Variants in ADGRL3 observed in about 807,000 individuals in gnomAD.
The protein encoded by ADGRL3 is calcium-independent alpha-latrotoxin receptor 3.
In ADGRL3, 62 loss-of-function variants were observed where a neutral mutation model predicts 153.5. That is an observed-to-expected ratio of 0.40 (90% CI 0.33 to 0.50). The LOEUF (loss-of-function observed/expected upper bound fraction) is 0.50, where lower values mean the gene tolerates loss of function less well. Among genes scored for constraint, ADGRL3 ranks in the 20% least tolerant of loss-of-function variants. The pLI, the probability that ADGRL3 is intolerant of heterozygous loss-of-function variation, is 0.47. For synonymous variants in ADGRL3, 710 were observed against 672.5 expected (o/e 1.06, Z -0.86); for missense variants, 1,641 against 1,859.4 (o/e 0.88, Z 2.16).
At chr4:61,461,637 G>T (rs1289996728) in intron 2 of ADGRL3, among the ~76,000 whole-genome samples, 1 of 152,128 alleles carries the variant, frequency 6.6e-6, no homozygotes, top group Non-Finnish European at 1.5e-5. Flanking sequence ...TAAATTTTAT[G>T]TCACAGAAAA....
chr4:61,550,680 T>C (rs2098736266), intron 4 of ADGRL3, among the ~76,000 whole-genome samples: 1 of 151,828 alleles, frequency 6.6e-6, no homozygotes, highest in Non-Finnish European at 1.5e-5. Flanking sequence ...CAGAATACTT[T>C]GGTGTGGGGA....
chr4:61,904,492 T>C (rs1206818432), intron 11 of ADGRL3, among the ~76,000 whole-genome samples: 3 of 152,272 alleles, frequency 2.0e-5, no homozygotes, highest in East Asian at 3.9e-4. Flanking sequence ...TTTTGACTTA[T>C]TGGTCATCTA....
chr4:61,516,294 G>A (rs1473754783), intron 3 of ADGRL3, among the ~76,000 whole-genome samples: 1 of 151,912 alleles, frequency 6.6e-6, no homozygotes, highest in Non-Finnish European at 1.5e-5. Context: ...GATTTTCTTA[G>A]TTTCTCTCCT....
At chr4:61,846,579 A>G (rs557663045) in intron 9 of ADGRL3, among the ~76,000 whole-genome samples, 1 of 152,222 alleles carries the variant, frequency 6.6e-6, no homozygotes, top group African/African-American at 2.4e-5. Flanking sequence ...ATTTTTCTAT[A>G]ATATCATTGA....
chr4:61,248,914 G>A (rs1010460930), intron 1 of ADGRL3, among the ~76,000 whole-genome samples: 10 of 152,104 alleles, frequency 6.6e-5, no homozygotes, highest in African/African-American at 1.4e-4. Context: ...ATAATAGGTC[G>A]AATTTCTTGG....
chr4:61,533,187 T>C (rs1048692519), intron 4 of ADGRL3, among the ~76,000 whole-genome samples: 4 of 152,160 alleles, frequency 2.6e-5, no homozygotes, highest in Admixed American at 2.0e-4. Flanking sequence ...TGGGAGTCTT[T>C]TCAGTAAAAT....
intron 6 of ADGRL3, among the ~76,000 whole-genome samples, chr4:61,682,565 T>TTA: frequency 7.2e-6 from 1 of 139,232 alleles, no homozygotes; most frequent in Non-Finnish European, 1.5e-5. Flanking sequence ...TTAAAAAAAT[T>TTA]TTTTTTTTTT....
chr4:61,788,183 A>T (rs2097299923), intron 8 of ADGRL3, among the ~76,000 whole-genome samples: 1 of 152,218 alleles, frequency 6.6e-6, no homozygotes, highest in Admixed American at 6.5e-5. Context: ...CTGGCTAACC[A>T]GAGGTCCTGA....
rs549264468 is a variant in ADGRL3, at chr4:61,302,159, A to G, written c.-239-80965A>G. 8.7e-4 allele frequency among the ~76,000 whole-genome samples: 132 copies of G among 152,242 alleles called. 1 individual carries two copies. Among genetic ancestry groups the G allele is most frequent in the African/African-American group, 3.0e-3 (126 of 41,548 alleles). On this transcript the variant is annotated intron_variant, in intron 1 of 26. Transcript: ENST00000683033. ...AAAATGGCAGAAGATTGTGCTTGAG[A>G]CCTGATGAGATGAATTTTTGTTTCC...
intron 1 of ADGRL3, among the ~76,000 whole-genome samples, chr4:61,296,423 T>A (rs890616596): frequency 6.6e-6 from 1 of 151,758 alleles, no homozygotes; most frequent in Non-Finnish European, 1.5e-5. Context: ...AACCTAGGCA[T>A]AAGAGAGCCT....
chr4:61,619,750 T>G (rs2092362398), intron 5 of ADGRL3, among the ~76,000 whole-genome samples: 1 of 152,224 alleles, frequency 6.6e-6, no homozygotes, highest in Non-Finnish European at 1.5e-5. Flanking sequence ...GCCACTGCAG[T>G]TCACACTTGA....
chr4:62,039,905 T>C (rs1727264046), intron 24 of ADGRL3, among the ~76,000 whole-genome samples: 1 of 152,180 alleles, frequency 6.6e-6, no homozygotes, highest in Admixed American at 6.5e-5. Flanking sequence ...ACATATGTCA[T>C]TAATATTATA....
intron 4 of ADGRL3, among the ~76,000 whole-genome samples, chr4:61,569,285 A>T (rs1168139384): frequency 6.6e-6 from 1 of 152,192 alleles, no homozygotes; most frequent in Non-Finnish European, 1.5e-5. Flanking sequence ...TTCACATGCC[A>T]TAAGACTCAT....
chr4:61,438,975 G>GT (rs1463824731), intron 2 of ADGRL3, among the ~76,000 whole-genome samples: 3 of 151,988 alleles, frequency 2.0e-5, no homozygotes, highest in Non-Finnish European at 4.4e-5. Flanking sequence ...CCAAAGTGCG[G>GT]TTGTTACGAT....
intron 6 of ADGRL3, among the ~76,000 whole-genome samples, chr4:61,696,213 G>A (rs1412673473): frequency 6.6e-6 from 1 of 152,108 alleles, no homozygotes; most frequent in Non-Finnish European, 1.5e-5. Context: ...GCCATTCTGA[G>A]GGCAGAATTT....
chr4:61,775,805 T>C (rs1028192105), intron 8 of ADGRL3: 3 of 728,258 alleles, frequency 4.1e-6, no homozygotes, highest in Non-Finnish European at 7.6e-6. Context: ...TGTAAAGCAG[T>C]ATTAACGTCC....
At chr4:61,503,213 A>T (rs537309182) in intron 3 of ADGRL3, among the ~76,000 whole-genome samples, 43 of 148,008 alleles carry the variant, frequency 2.9e-4, no homozygotes, top group African/African-American at 6.9e-4. Context: ...TTGGAAAATA[A>T]TTTTTTTTTT....
chr4:61,541,349 T>A (rs2098689315), intron 4 of ADGRL3, among the ~76,000 whole-genome samples: 1 of 78,910 alleles, frequency 1.3e-5, no homozygotes, highest in Non-Finnish European at 2.6e-5. Context: ...GGTAGAGATT[T>A]TTTTTTTTTT....
chr4:61,708,730 A>T lies in ADGRL3; in HGVS notation c.584-21892A>T, dbSNP rs140729188. ...ATTTTCTATTTATACGGGTTTTTTC[A>T]GCTAAAAATAAAAATAGATCAAAGT... On this transcript the variant is annotated intron_variant, in intron 6 of 26. Transcript: ENST00000683033. Among the ~76,000 whole-genome samples the T allele has an allele frequency of 1.8e-3, 272 of 152,230 alleles. 3 individuals are homozygous for T. The East Asian group carries it at 0.045, about 25-fold the overall frequency.
Sources: gnomAD v4.1 joint callset for allele counts (sites outside exome capture counted in the v4.1 genomes callset) on GRCh38, gnomAD v4.1.1 for gene constraint, MANE v1.5 for transcripts, NCBI Gene and HGNC (gene_info 2026-07-23, HGNC 2026-07-21) for gene names.